NDUFAF2: variants seen among roughly 807,000 people sequenced by gnomAD.
NDUFAF2 encodes the protein NADH:ubiquinone oxidoreductase complex assembly factor 2, also known as NADH dehydrogenase [ubiquinone] 1 alpha subcomplex assembly factor 2.
A neutral mutation model predicts 22.8 loss-of-function variants in NDUFAF2; 13 were observed. The ratio of observed to expected loss-of-function variants is 0.57; its 90% CI spans 0.37 to 0.91. The LOEUF (loss-of-function observed/expected upper bound fraction) is 0.91. NDUFAF2 is among the 40% of genes least tolerant of loss of function. NDUFAF2 has a pLI of 0.01. For synonymous variants in NDUFAF2, 53 were observed against 64.2 expected (o/e 0.83, Z 0.84); for missense variants, 162 against 195.2 (o/e 0.83, Z 1.01).
intron 3 of NDUFAF2, among the ~76,000 whole-genome samples, chr5:61,104,033 A>C (rs1752732800): frequency 6.6e-6 from 1 of 152,148 alleles, no homozygotes; most frequent in African/African-American, 2.4e-5. Flanking sequence ...CATGTTTAAG[A>C]CAGGTTAGGC....
At chr5:61,130,043 A>AC (rs1486110482) in intron 3 of NDUFAF2, among the ~76,000 whole-genome samples, 1 of 152,138 alleles carries the variant, frequency 6.6e-6, no homozygotes, top group Non-Finnish European at 1.5e-5. Context: ...ACATTCATCT[A>AC]ATCTGAATAC....
At chr5:61,008,590 C>T (rs947513079) in intron 1 of NDUFAF2, among the ~76,000 whole-genome samples, 4 of 152,076 alleles carry the variant, frequency 2.6e-5, no homozygotes, top group Non-Finnish European at 2.9e-5. Context: ...GATGATTTCA[C>T]CTATCTTGAT....
chr5:61,028,416 G>T (rs1751681267), intron 1 of NDUFAF2, among the ~76,000 whole-genome samples: 1 of 151,934 alleles, frequency 6.6e-6, no homozygotes, highest in South Asian at 2.1e-4. Flanking sequence ...AAGATTTTCT[G>T]GAAGGGGTAT....
chr5:61,045,839 G>A (rs1214061328), intron 1 of NDUFAF2, among the ~76,000 whole-genome samples: 1 of 151,922 alleles, frequency 6.6e-6, no homozygotes, highest in Non-Finnish European at 1.5e-5. Flanking sequence ...GTTCTTTCTA[G>A]GACTTCCAGT....
intron 1 of NDUFAF2, among the ~76,000 whole-genome samples, chr5:60,970,897 A>G (rs945434344): frequency 2.0e-5 from 3 of 152,074 alleles, no homozygotes; most frequent in Non-Finnish European, 4.4e-5. Context: ...TTATATATAT[A>G]TTTTTGTCTA....
chr5:61,065,137 A>G (rs1450391788), intron 1 of NDUFAF2, among the ~76,000 whole-genome samples: 2 of 152,046 alleles, frequency 1.3e-5, no homozygotes, highest in Non-Finnish European at 2.9e-5. Flanking sequence ...AATACAACCT[A>G]CCAAGATTTA....
chr5:61,007,215 G>A (rs1354540041), intron 1 of NDUFAF2, among the ~76,000 whole-genome samples: 6 of 151,814 alleles, frequency 4.0e-5, no homozygotes, highest in African/African-American at 1.5e-4. Flanking sequence ...GAATGGTAAT[G>A]CCTAGGTTTT....
At chr5:61,000,130 G>A (rs894998578) in intron 1 of NDUFAF2, among the ~76,000 whole-genome samples, 4 of 152,066 alleles carry the variant, frequency 2.6e-5, no homozygotes, top group Non-Finnish European at 5.9e-5. Context: ...AGGATCAGTG[G>A]TTGACAGACT....
chr5:60,953,419 C>T (rs917572428), intron 1 of NDUFAF2, among the ~76,000 whole-genome samples: 1 of 152,102 alleles, frequency 6.6e-6, no homozygotes, highest in Non-Finnish European at 1.5e-5. Flanking sequence ...TTCAGACATA[C>T]TGTACCTGAA....
chr5:61,016,743 G>T (rs1218262470), intron 1 of NDUFAF2, among the ~76,000 whole-genome samples: 1 of 152,184 alleles, frequency 6.6e-6, no homozygotes, highest in Non-Finnish European at 1.5e-5. Flanking sequence ...TGAATGTCAT[G>T]TAAAGTGGTC....
chr5:61,134,704 T>C (rs1561136227), intron 3 of NDUFAF2, among the ~76,000 whole-genome samples: 1 of 151,684 alleles, frequency 6.6e-6, no homozygotes, highest in African/African-American at 2.4e-5. Context: ...AAAACAAAAA[T>C]TAAAAGAAAT....
chr5:60,946,034 T>G (rs1226536898), intron 1 of NDUFAF2, among the ~76,000 whole-genome samples: 1 of 152,082 alleles, frequency 6.6e-6, no homozygotes, highest in African/African-American at 2.4e-5. Flanking sequence ...TGAGCTCAAT[T>G]TAAGAAACGT....
At chr5:61,107,995 C>T (rs1279867978) in intron 3 of NDUFAF2, among the ~76,000 whole-genome samples, 3 of 150,974 alleles carry the variant, frequency 2.0e-5, no homozygotes, top group Non-Finnish European at 4.4e-5. Flanking sequence ...AGGACATGAA[C>T]TCATCATTTT....
In NDUFAF2 at chr5:60,997,884, G is replaced by C. The variant is rs116057091; in HGVS notation, c.127+52502G>C. The stretch of plus-strand genomic sequence containing the variant: ...ATGAGGTATTACCATCTTGGGGAAA[G>C]GCTTATCATCCTAGATTTTGGTTCA... On this transcript the variant is annotated intron_variant, in intron 1 of 3. Coordinates refer to ENST00000296597, the MANE Select transcript of NDUFAF2 (RefSeq NM_174889.5). Among the ~76,000 whole-genome samples the C allele has an allele frequency of 5.6e-3, 858 of 152,238 alleles. 9 individuals are homozygous for C. Among genetic ancestry groups the C allele is most frequent in the African/African-American group, 0.02 (830 of 41,538 alleles).
chr5:61,121,599 C>T (rs1471030344), intron 3 of NDUFAF2, among the ~76,000 whole-genome samples: 1 of 152,064 alleles, frequency 6.6e-6, no homozygotes, highest in Admixed American at 6.6e-5. Context: ...CTTGGCTAGA[C>T]TGTGGTACCC....
At chr5:60,960,126 G>A (rs1750665509) in intron 1 of NDUFAF2, among the ~76,000 whole-genome samples, 1 of 152,092 alleles carries the variant, frequency 6.6e-6, no homozygotes, top group African/African-American at 2.4e-5. Flanking sequence ...ACTAATAATG[G>A]ATGAGTGACT....
At chr5:61,001,910 C>T (rs1751301519) in intron 1 of NDUFAF2, among the ~76,000 whole-genome samples, 2 of 152,046 alleles carry the variant, frequency 1.3e-5, no homozygotes, top group African/African-American at 2.4e-5. Flanking sequence ...TTGACGTGCC[C>T]TCTAAAACTA....
At chr5:61,025,568 G>T (rs1351115488) in intron 1 of NDUFAF2, among the ~76,000 whole-genome samples, 1 of 151,878 alleles carries the variant, frequency 6.6e-6, no homozygotes, top group Non-Finnish European at 1.5e-5. Context: ...TGATTCTTTG[G>T]TGAAAAATTA....
intron 1 of NDUFAF2, among the ~76,000 whole-genome samples, chr5:61,036,859 A>G (rs540610063): frequency 1.6e-4 from 25 of 152,264 alleles, no homozygotes; most frequent in Middle Eastern, 6.8e-3. Context: ...GGTATTGCCT[A>G]TTAGCTGGAT....
Sources: allele counts gnomAD v4.1 joint callset (sites outside exome capture counted in the v4.1 genomes callset), GRCh38; gene constraint gnomAD v4.1.1; transcripts MANE v1.5; gene names NCBI Gene and HGNC (gene_info 2026-07-23, HGNC 2026-07-21).